Variants in AFF1 observed in about 807,000 individuals in gnomAD.
The protein encoded by AFF1 is AF4/FMR2 family member 1.
A neutral mutation model predicts 121.7 loss-of-function variants in AFF1; 48 were observed. The observed-to-expected ratio is 0.39, with a 90% CI of 0.31 to 0.50. The LOEUF is 0.50. Ranked by LOEUF, AFF1 falls within the 20% of genes least tolerant of loss-of-function variation. AFF1 has a pLI of 0.76. For missense variants in AFF1, 1,523 were observed against 1,511.7 expected (o/e 1.01, Z -0.12); for synonymous variants, 613 against 563.0 (o/e 1.09, Z -1.26).
intron 2 of AFF1, among the ~76,000 whole-genome samples, chr4:87,039,819 T>C (rs1729937079): frequency 6.6e-6 from 1 of 152,160 alleles, no homozygotes; most frequent in South Asian, 2.1e-4. Flanking sequence ...ATGGTGTCTG[T>C]GGAGTGGTCA....
intron 4 of AFF1, among the ~76,000 whole-genome samples, chr4:87,062,135 C>A (rs1720846811): frequency 6.6e-6 from 1 of 152,132 alleles, no homozygotes; most frequent in East Asian, 1.9e-4. Context: ...GGATAATTAT[C>A]TTAGTCTAGT....
At chr4:87,027,247 T>G (rs982873458) in intron 2 of AFF1, among the ~76,000 whole-genome samples, 34 of 152,212 alleles carry the variant, frequency 2.2e-4, no homozygotes, top group African/African-American at 8.2e-4. Context: ...GCTTGTAGTT[T>G]CCCAGTAGAG....
chr4:86,978,152 C>T (rs1185063947), intron 2 of AFF1, among the ~76,000 whole-genome samples: 1 of 64,348 alleles, frequency 1.6e-5, no homozygotes, highest in Non-Finnish European at 4.6e-5. Flanking sequence ...TGGTAGCTTA[C>T]TTCTCTTACT....
chr4:87,031,705 TATAAA>T (rs533602619), intron 2 of AFF1, among the ~76,000 whole-genome samples: 26 of 152,350 alleles, frequency 1.7e-4, no homozygotes, highest in Admixed American at 3.3e-4. Flanking sequence ...AAACAGGTCT[TATAAA>T]ATATAAATTG....
At chr4:87,082,042 A>C (rs1008436409) in intron 4 of AFF1, among the ~76,000 whole-genome samples, 1 of 152,198 alleles carries the variant, frequency 6.6e-6, no homozygotes, top group African/African-American at 2.4e-5. Flanking sequence ...TGTTGGAAAC[A>C]ACGGACAAAT....
At chr4:87,077,823 T>C (rs759737934) in intron 4 of AFF1, among the ~76,000 whole-genome samples, 21 of 152,240 alleles carry the variant, frequency 1.4e-4, no homozygotes, top group Non-Finnish European at 2.6e-4. Context: ...TATTCTTTGT[T>C]GTAGTTGCGT....
At chr4:86,938,605 CAGTAGAA>C (rs2149438432) in intron 1 of AFF1, among the ~76,000 whole-genome samples, 1 of 151,874 alleles carries the variant, frequency 6.6e-6, no homozygotes, top group African/African-American at 2.4e-5. Flanking sequence ...TTTTAAGACA[CAGTAGAA>C]GCTTATTTAA....
chr4:87,091,249 A>C (rs1724278294), intron 6 of AFF1, among the ~76,000 whole-genome samples: 1 of 151,908 alleles, frequency 6.6e-6, no homozygotes, highest in Non-Finnish European at 1.5e-5. Flanking sequence ...CTAAAAATAC[A>C]AAAATTAGCT....
At chr4:87,133,159 G>A (rs1728992452) in intron 19 of AFF1, among the ~76,000 whole-genome samples, 1 of 152,172 alleles carries the variant, frequency 6.6e-6, no homozygotes. Flanking sequence ...GCAATACTAA[G>A]AATGAAAATG....
intron 4 of AFF1, among the ~76,000 whole-genome samples, chr4:87,065,436 A>G (rs236678): frequency 0.82 from 125,166 of 151,726 alleles, 51,953 homozygotes; most frequent in African/African-American, 0.92. Flanking sequence ...TGTCATGTGA[A>G]TTAGGAAGAA....
At chr4:87,120,125 C>T (rs748630972) in intron 12 of AFF1, among the ~76,000 whole-genome samples, 4 of 152,196 alleles carry the variant, frequency 2.6e-5, no homozygotes, top group Admixed American at 6.5e-5. Flanking sequence ...CTGAATCATG[C>T]GTTCCCTCAC....
chr4:87,095,609 G>T (rs1724751879), intron 8 of AFF1, among the ~76,000 whole-genome samples: 1 of 152,056 alleles, frequency 6.6e-6, no homozygotes, highest in Admixed American at 6.5e-5. Flanking sequence ...TGGGGGATGT[G>T]CACAATTGAA....
intron 4 of AFF1, among the ~76,000 whole-genome samples, chr4:87,065,240 T>C (rs1721222539): frequency 6.6e-6 from 1 of 152,042 alleles, no homozygotes; most frequent in Non-Finnish European, 1.5e-5. Context: ...TCTACGTGAG[T>C]GGCGGCAAAG....
chr4:87,109,752 A>T (rs1451394175), intron 11 of AFF1, among the ~76,000 whole-genome samples: 2 of 152,210 alleles, frequency 1.3e-5, no homozygotes, highest in Non-Finnish European at 2.9e-5. Context: ...TAGTAATGAG[A>T]CATAGATATA....
intron 2 of AFF1, among the ~76,000 whole-genome samples, chr4:87,018,051 A>T (rs1727532014): frequency 6.6e-6 from 1 of 152,208 alleles, no homozygotes; most frequent in Non-Finnish European, 1.5e-5. Flanking sequence ...GTGGCAAGTT[A>T]CTGAAATCTG....
chr4:87,081,515 A>C (rs569462971), intron 4 of AFF1, among the ~76,000 whole-genome samples: 1 of 152,322 alleles, frequency 6.6e-6, no homozygotes, highest in East Asian at 1.9e-4. Context: ...CTTTCCATGC[A>C]AACACCTATG....
rs547853727 is a variant in AFF1 at position 86,959,256 on chromosome 4, G to A, written c.38+10685G>A. Among the ~76,000 whole-genome samples, 28 of 151,896 alleles carry A rather than the reference G, an allele frequency of 1.8e-4. No homozygotes were observed. In the South Asian group the frequency reaches 5.2e-3, roughly 28 times the overall value. ...AATAGTTAAATTGCCCAGGAGTGCCGGTATTCTGTTTTGATCTGGGTGTTG... is the reference window on the plus strand; with the variant it reads ...AATAGTTAAATTGCCCAGGAGTGCCAGTATTCTGTTTTGATCTGGGTGTTG... On this transcript the variant is annotated intron_variant, in intron 2 of 20. Coordinates refer to ENST00000395146, the MANE Select transcript of AFF1 (RefSeq NM_001166693.3).
chr4:86,988,350 A>G (rs1254403229), intron 2 of AFF1, among the ~76,000 whole-genome samples: 1 of 151,888 alleles, frequency 6.6e-6, no homozygotes, highest in African/African-American at 2.4e-5. Flanking sequence ...TCTGGTGACC[A>G]TCATATGGTT....
chr4:87,090,120 G>A (rs368305341), intron 6 of AFF1, 50 bp downstream of exon 6: 70 of 1,432,624 alleles, frequency 4.9e-5, no homozygotes, highest in African/African-American at 8.4e-5. Flanking sequence ...AGTGAAAAGC[G>A]TAAGGCATTG....
Sources: gnomAD v4.1 joint callset for allele counts (sites outside exome capture counted in the v4.1 genomes callset) on GRCh38, gnomAD v4.1.1 for gene constraint, MANE v1.5 for transcripts, NCBI Gene and HGNC (gene_info 2026-07-23, HGNC 2026-07-21) for gene names.